The following SEMA6A variants were observed in gnomAD, a reference collection of about 807,000 sequenced individuals.
The protein encoded by SEMA6A is semaphorin-6A.
SEMA6A carries 25 observed loss-of-function variants against 96.8 expected under a neutral mutation model. The observed-to-expected ratio is 0.26, with a 90% CI of 0.19 to 0.36. SEMA6A has a LOEUF of 0.36. SEMA6A is among the 10% of genes least tolerant of loss of function. The probability of loss-of-function intolerance (pLI) is 1.00; values close to 1 mark genes in which losing one functional copy is unlikely to be tolerated. For missense variants in SEMA6A, 1,363 were observed against 1,323.1 expected (o/e 1.03, Z -0.47); for synonymous variants, 612 against 518.0 (o/e 1.18, Z -2.46).
chr5:116,482,623 C>T (rs930967204), intron 10 of SEMA6A, 48 bp from the exon 11 acceptor site: 2 of 1,604,712 alleles, frequency 1.2e-6, no homozygotes, highest in African/African-American at 2.7e-5. Context: ...AATGGTTATG[C>T]ATGTGGTTTG....
At chr5:116,551,860 G>A (rs1760427729) in intron 1 of SEMA6A, among the ~76,000 whole-genome samples, 3 of 152,192 alleles carry the variant, frequency 2.0e-5, no homozygotes, top group African/African-American at 4.8e-5. Context: ...TAAAGAATTA[G>A]TGTGTCTGGA....
chr5:116,509,593 T>G (rs867998585), intron 1 of SEMA6A, among the ~76,000 whole-genome samples: 4 of 118,422 alleles, frequency 3.4e-5, no homozygotes, highest in Middle Eastern at 7.7e-3. Context: ...TGAAGAAGGG[T>G]GTCTCTGTGT....
chr5:116,456,707 G>A (rs945184943), intron 18 of SEMA6A, among the ~76,000 whole-genome samples: 5 of 152,196 alleles, frequency 3.3e-5, no homozygotes, highest in Admixed American at 6.5e-5. Flanking sequence ...GCTCACGTAT[G>A]TCCTAGATTG....
Position 116,478,719 on chromosome 5 carries a change from C to G in SEMA6A, c.1251-1G>C. On this transcript the variant is annotated splice_acceptor_variant, in intron 12 of 18. Coordinates refer to ENST00000343348, the MANE Select transcript of SEMA6A (RefSeq NM_020796.5). LOFTEE classifies it high-confidence loss of function. ...CACTGCAATTTTGGTAAGGCGGTATCTAAAATGACAGGACCACATTTCTTA... is the reference window on the plus strand; with the variant it reads ...CACTGCAATTTTGGTAAGGCGGTATGTAAAATGACAGGACCACATTTCTTA... The G allele has an allele frequency of 6.2e-7, 1 of 1,611,708 alleles. No individual in the cohort carries two copies. Among genetic ancestry groups the G allele is most frequent in the Non-Finnish European group, 8.5e-7 (1 of 1,179,090 alleles).
intron 18 of SEMA6A, chr5:116,449,214 T>A: frequency 1.5e-6 from 1 of 665,704 alleles, no homozygotes; most frequent in South Asian, 1.6e-5. Context: ...AATTCCTGCC[T>A]CTGGAGAGTG....
intron 1 of SEMA6A, among the ~76,000 whole-genome samples, chr5:116,537,060 T>A (rs760410075): frequency 3.9e-5 from 6 of 152,152 alleles, no homozygotes; most frequent in Non-Finnish European, 7.3e-5. Flanking sequence ...AGCCTGGTAT[T>A]TGGAACACCT....
At chr5:116,461,690 TGTC>T (rs1025647390) in intron 18 of SEMA6A, among the ~76,000 whole-genome samples, 1 of 152,182 alleles carries the variant, frequency 6.6e-6, no homozygotes, top group African/African-American at 2.4e-5. Context: ...TCAGCCAAGT[TGTC>T]TTTACTTGTC....
chr5:116,514,886 G>T (rs1758593419), intron 1 of SEMA6A, among the ~76,000 whole-genome samples: 1 of 152,310 alleles, frequency 6.6e-6, no homozygotes, highest in East Asian at 1.9e-4. Context: ...TTCAGTGGAT[G>T]GGCCCCATAG....
In SEMA6A at chr5:116,446,488, C is replaced by T. The variant is rs141954429; in HGVS notation, c.*125G>A. ...CTGTGTCCCAGAGAGGAGGACCCAG[C>T]GTCCTCGGCTCTGCCGCAGGCCTTC... On this transcript the variant is annotated 3_prime_UTR_variant, in exon 19 of 19. Transcript: ENST00000343348. 6.0e-5 allele frequency: 48 copies of T among 799,530 alleles called. No homozygotes were observed. The highest frequency in any genetic ancestry group is 1.0e-4 in the Admixed American group (3 of 29,434). 49.5% of individuals were successfully genotyped at this position (799,530 alleles called of 1,614,324 possible).
intron 18 of SEMA6A, among the ~76,000 whole-genome samples, chr5:116,457,232 G>C (rs1377145796): frequency 6.6e-6 from 1 of 152,190 alleles, no homozygotes; most frequent in Admixed American, 6.5e-5. Context: ...AATGTCAGAT[G>C]ATTGTGTCCA....
chr5:116,489,687 G>A (rs1757241050), intron 7 of SEMA6A, among the ~76,000 whole-genome samples: 1 of 152,164 alleles, frequency 6.6e-6, no homozygotes, highest in Admixed American at 6.5e-5. Flanking sequence ...AAAGGGGAAG[G>A]GGTTACGCTG....
At position 116,447,459 on chromosome 5, in the gene SEMA6A, G is replaced by C; in HGVS notation, c.2247C>G (p.His749Gln). The change falls in exon 19 of 19, where the codon CAC (histidine) becomes CAG (glutamine). Residue 749 changes from histidine to glutamine, a missense_variant. His to Gln is a conservative substitution (Grantham distance 24). Transcript: ENST00000343348. ...AKMLIKADQHHLDLTALPTPE... is the reference protein window; with the variant it reads ...AKMLIKADQHQLDLTALPTPE... Reference sequence around the variant, plus strand: ...GGGTGGGGAGGGCCGTCAGGTCCAGGTGGTGCTGGTCTGCTTTAATGAGCA... The same window carrying C: ...GGGTGGGGAGGGCCGTCAGGTCCAGCTGGTGCTGGTCTGCTTTAATGAGCA... 6.2e-7 allele frequency: 1 copy of C among 1,614,074 alleles called. No homozygotes were observed. The highest frequency in any genetic ancestry group is 8.5e-7 in the Non-Finnish European group (1 of 1,179,904).
chr5:116,454,648 C>T (rs1480289656), intron 18 of SEMA6A, among the ~76,000 whole-genome samples: 1 of 152,154 alleles, frequency 6.6e-6, no homozygotes, highest in Non-Finnish European at 1.5e-5. Context: ...AATGGGAACT[C>T]TCTGTGGTTA....
At chr5:116,532,556 C>A (rs1195534819) in intron 1 of SEMA6A, among the ~76,000 whole-genome samples, 1 of 152,156 alleles carries the variant, frequency 6.6e-6, no homozygotes, top group Non-Finnish European at 1.5e-5. Flanking sequence ...CCCCCCCAGT[C>A]CTGAACTGCA....
chr5:116,542,457 G>T (rs1052703372), intron 1 of SEMA6A, among the ~76,000 whole-genome samples: 1 of 151,894 alleles, frequency 6.6e-6, no homozygotes, highest in South Asian at 2.1e-4. Flanking sequence ...AAGGACCCTC[G>T]CTGTCCCTTT....
chr5:116,524,209 G>A (rs1759100276), intron 1 of SEMA6A, among the ~76,000 whole-genome samples: 1 of 152,136 alleles, frequency 6.6e-6, no homozygotes, highest in Non-Finnish European at 1.5e-5. Flanking sequence ...AGATGCTGTG[G>A]AGAAGAAGCC....
intron 1 of SEMA6A, among the ~76,000 whole-genome samples, chr5:116,547,566 G>T (rs972909472): frequency 1.4e-5 from 2 of 142,324 alleles, no homozygotes; most frequent in Middle Eastern, 3.7e-3. Context: ...TCTAAGTAAC[G>T]TACTGGTTAA....
intron 1 of SEMA6A, among the ~76,000 whole-genome samples, chr5:116,534,529 C>T (rs1427870239): frequency 6.6e-6 from 1 of 152,210 alleles, no homozygotes; most frequent in Non-Finnish European, 1.5e-5. Flanking sequence ...GCTGGCTTCT[C>T]CACCTTCAGG....
At chr5:116,467,994 G>T (rs374562463) in intron 17 of SEMA6A, 1 of 478,034 alleles carries the variant, frequency 2.1e-6, no homozygotes, top group South Asian at 2.9e-5. Context: ...ATACTTGCTG[G>T]GTGGGCCTCA....
Sources: gnomAD v4.1 joint callset for allele counts (sites outside exome capture counted in the v4.1 genomes callset) on GRCh38, gnomAD v4.1.1 for gene constraint, MANE v1.5 for transcripts, NCBI Gene and HGNC (gene_info 2026-07-23, HGNC 2026-07-21) for gene names.